Variants in ADAT1 observed in about 807,000 individuals in gnomAD.
The protein encoded by ADAT1 is tRNA-specific adenosine deaminase 1.
Under a neutral mutation model 58.6 loss-of-function variants are expected in ADAT1, and 58 were observed. The ratio of observed to expected loss-of-function variants is 0.99; its 90% CI spans 0.80 to 1.23. The LOEUF is 1.23. Ranked by LOEUF, ADAT1 falls within the 50% of genes most tolerant of loss-of-function variation. ADAT1 has a pLI of 0.00. For synonymous variants in ADAT1, 254 were observed against 220.8 expected (o/e 1.15, Z -1.33); for missense variants, 741 against 608.6 (o/e 1.22, Z -2.29).
At chr16:75,608,553 G>A in intron 7 of ADAT1, 1 of 579,606 alleles carries the variant, frequency 1.7e-6, no homozygotes, top group Non-Finnish European at 3.0e-6. Context: ...TATTTGCTGG[G>A]CACAGAGTAA....
chr16:75,603,105 G>A lies in ADAT1; in HGVS notation c.1356C>T (p.Asp452=). 6.2e-7 allele frequency: 1 copy of A among 1,614,042 alleles called. No individual in the cohort carries two copies. Among genetic ancestry groups the A allele is most frequent in the Non-Finnish European group, 8.5e-7 (1 of 1,179,902 alleles). The change falls in exon 9 of 10, where the codon GAC becomes GAT. Residue 452 remains aspartate (D), a synonymous_variant. Coordinates refer to ENST00000564657, the MANE Select transcript of ADAT1 (RefSeq NM_001324445.2). ...FQKLLSRIAR[D]KWPHSLRVQK... Reference sequence around the variant, plus strand: ...ATCACCTGAGGGAGTGTGGCCACTTGTCCCTTGCAATTCTGCTTAGCAGCT... The same window carrying A: ...ATCACCTGAGGGAGTGTGGCCACTTATCCCTTGCAATTCTGCTTAGCAGCT...
rs755593043 is a variant in ADAT1 at position 75,612,332 on chromosome 16, G to A, written c.954C>T (p.His318=). 12 of 1,614,080 alleles carry A rather than the reference G, an allele frequency of 7.4e-6. No individual in the cohort carries two copies. In the African/African-American group the frequency reaches 1.2e-4, roughly 16 times the overall value. Residue 318 remains histidine (H), a synonymous_variant, in exon 6 of 10, where the codon CAC becomes CAT. Transcript: ENST00000564657. ...VLGCQGALLM[H]LLEEPIYLSA... is the part of the protein sequence containing the mutation. ...ACAGGTAGATGGGCTCTTCCAGCAA[G>A]TGCATCAACAGTGCCCCTTGGCATC...
At chr16:75,617,311 C>A in intron 4 of ADAT1, 39 bp from the exon 5 acceptor site, 1 of 1,597,634 alleles carries the variant, frequency 6.3e-7, no homozygotes, top group South Asian at 1.1e-5. Flanking sequence ...AACAACCGAT[C>A]TCTGTGGTAA....
At chr16:75,612,124 A>C (rs888862097) in intron 6 of ADAT1, 119 bp downstream of exon 6, 1 of 1,177,528 alleles carries the variant, frequency 8.5e-7, no homozygotes, top group African/African-American at 1.6e-5. Context: ...CCTTAAGACA[A>C]ATTCCTGGAA....
intron 6 of ADAT1, among the ~76,000 whole-genome samples, chr16:75,611,302 T>C (rs955154194): frequency 6.6e-6 from 1 of 152,218 alleles, no homozygotes; most frequent in African/African-American, 2.4e-5. Context: ...TTTTCTTATG[T>C]GTGGATGTAC....
At chr16:75,616,462 A>T (rs1227816103) in intron 5 of ADAT1, among the ~76,000 whole-genome samples, 2 of 152,180 alleles carry the variant, frequency 1.3e-5, no homozygotes, top group Admixed American at 6.5e-5. Flanking sequence ...TTATATCCTT[A>T]TTTCAAAGGT....
At chr16:75,619,995 G>T (rs1483520720) in intron 3 of ADAT1, among the ~76,000 whole-genome samples, 1 of 151,860 alleles carries the variant, frequency 6.6e-6, no homozygotes, top group Non-Finnish European at 1.5e-5. Flanking sequence ...CAGACCTAAT[G>T]TGGAATAGCT....
intron 8 of ADAT1, among the ~76,000 whole-genome samples, chr16:75,606,877 G>C (rs181330661): frequency 2.6e-5 from 4 of 152,248 alleles, no homozygotes; most frequent in Admixed American, 2.6e-4. Context: ...TTTATATAAA[G>C]CTATAAAACT....
chr16:75,613,242 A>T (rs973121146), intron 5 of ADAT1, among the ~76,000 whole-genome samples: 2 of 152,204 alleles, frequency 1.3e-5, no homozygotes, highest in Non-Finnish European at 2.9e-5. Context: ...GATCTGAGCT[A>T]ATTTTTATCA....
chr16:75,610,507 G>C (rs1597112832), intron 6 of ADAT1, among the ~76,000 whole-genome samples: 1 of 152,130 alleles, frequency 6.6e-6, no homozygotes, highest in African/African-American at 2.4e-5. Context: ...ATGTTGACCA[G>C]GTTGGTCTTG....
intron 5 of ADAT1, among the ~76,000 whole-genome samples, chr16:75,614,559 G>C (rs940621829): frequency 6.6e-6 from 1 of 152,198 alleles, no homozygotes; most frequent in African/African-American, 2.4e-5. Flanking sequence ...ATCTGGAGAG[G>C]TTGGCTGGCT....
intron 3 of ADAT1, among the ~76,000 whole-genome samples, chr16:75,619,174 G>C (rs199598875): frequency 6.6e-6 from 1 of 152,160 alleles, no homozygotes; most frequent in African/African-American, 2.4e-5. Context: ...TTAAGGCAAG[G>C]AGAATGGTAG....
intron 1 of ADAT1, 72 bp from the exon 2 acceptor site, chr16:75,620,892 C>A: frequency 7.5e-7 from 1 of 1,330,150 alleles, no homozygotes; most frequent in Admixed American, 2.5e-5. Flanking sequence ...CCTCTCATAT[C>A]CATGCTTCGA....
In ADAT1 at chr16:75,600,197, C is replaced by A; in HGVS notation, c.*19G>T. On this transcript the variant is annotated 3_prime_UTR_variant, in exon 10 of 10. Transcript: ENST00000564657. ...AGTTCAGGATGAAGGGTCCTGCTAC[C>A]AGAGCAAACATTTCCTTCTCACTTG... 6.2e-7 allele frequency: 1 copy of A among 1,613,732 alleles called. No homozygotes were observed. The highest frequency in any genetic ancestry group is 8.5e-7 in the Non-Finnish European group (1 of 1,179,682).
intron 8 of ADAT1, among the ~76,000 whole-genome samples, chr16:75,605,764 C>T (rs1028768197): frequency 1.2e-4 from 18 of 151,428 alleles, no homozygotes; most frequent in Non-Finnish European, 2.1e-4. Flanking sequence ...GGCAAAATCC[C>T]GTCTCTACTA....
intron 8 of ADAT1, 44 bp downstream of exon 8, chr16:75,608,180 G>T (rs547576577): frequency 1.3e-6 from 2 of 1,507,216 alleles, no homozygotes; most frequent in East Asian, 4.5e-5. Flanking sequence ...GTGGTAGAGT[G>T]TGAGTTCACA....
chr16:75,613,078 C>A (rs1346164338), intron 5 of ADAT1, among the ~76,000 whole-genome samples: 1 of 152,122 alleles, frequency 6.6e-6, no homozygotes, highest in East Asian at 1.9e-4. Context: ...CTACTGACTT[C>A]ATCTATTCTC....
chr16:75,622,436 T>C lies in ADAT1; in HGVS notation c.-55A>G, dbSNP rs1290065114. On this transcript the variant is annotated 5_prime_UTR_variant, in exon 1 of 10. Transcript: ENST00000564657. The stretch of plus-strand genomic sequence containing the variant: ...TCTAGGGAGGCATCACAAGGCAGTA[T>C]AGTTTATGAAGACCACCTGGCCATC... 1.3e-5 allele frequency: 2 copies of C among 152,116 alleles called. No individual in the cohort carries two copies. Among genetic ancestry groups the C allele is most frequent in the African/African-American group, 4.8e-5 (2 of 41,420 alleles). The allele number at this position is 152,116 out of a possible 1,614,324, so 9.4% of individuals were successfully genotyped here. A position where few individuals can be genotyped will look rare whatever the true frequency, so the allele number is the denominator to read the frequency against.
intron 8 of ADAT1, among the ~76,000 whole-genome samples, chr16:75,607,397 A>G (rs2082751): frequency 0.32 from 48,996 of 151,552 alleles, 11,178 homozygotes; most frequent in East Asian, 0.73. Flanking sequence ...AGCTACTAGG[A>G]AGGCTGAGGC....
Sources: allele counts gnomAD v4.1 joint callset (sites outside exome capture counted in the v4.1 genomes callset), GRCh38; gene constraint gnomAD v4.1.1; transcripts MANE v1.5; gene names NCBI Gene and HGNC (gene_info 2026-07-23, HGNC 2026-07-21).